Variants in CARD10 observed in about 807,000 individuals in gnomAD.
The protein encoded by CARD10 is caspase recruitment domain-containing protein 10.
CARD10 carries 49 observed loss-of-function variants against 114.6 expected under a neutral mutation model. The ratio of observed to expected loss-of-function variants is 0.43; its 90% CI spans 0.34 to 0.54. CARD10 has a LOEUF of 0.54. Ranked by LOEUF, CARD10 falls within the 20% of genes least tolerant of loss-of-function variation. The pLI, the probability that CARD10 is intolerant of heterozygous loss-of-function variation, is 0.03. For missense variants in CARD10, 1,206 were observed against 1,397.2 expected, an observed-to-expected ratio of 0.86 and a Z score of 2.18; for synonymous variants, 602 against 593.2, an observed-to-expected ratio of 1.01 and a Z score of -0.21.
chr22:37,503,046 G>T, intron 10 of CARD10, 139 bp downstream of exon 10: 1 of 972,376 alleles, frequency 1.0e-6, no homozygotes, highest in Non-Finnish European at 1.6e-6. Flanking sequence ...CAACCTTCCT[G>T]CCTGGCAGGG....
chr22:37,519,400 G>T lies in CARD10; in HGVS notation c.-200C>A. On this transcript the variant is annotated 5_prime_UTR_variant, in exon 1 of 20. Coordinates refer to ENST00000251973, the MANE Select transcript of CARD10 (RefSeq NM_014550.4). This position sits in a 1 kb window ranked among gnomAD's most constrained non-coding sequence, Gnocchi z 4.1. ...TCCGCACTCGGGCGGCGGCTCCGCC[G>T]GCGCAGGGGGGCGGTGCCCGTGGCG... 1 of 1,189,866 alleles carries T rather than the reference G, an allele frequency of 8.4e-7. No individual in the cohort carries two copies. The allele number at this position is 1,189,866 out of a possible 1,614,324, so 73.7% of individuals were successfully genotyped here.
In CARD10 at chr22:37,492,625, C is replaced by A. The variant is rs754919092; in HGVS notation, c.2635+19G>T. The stretch of plus-strand genomic sequence containing the variant: ...CCCAGAGGGGCACCCAGCCTCCCCT[C>A]CCCGGCACATAGTCTCACCCGCTGG... On this transcript the variant is annotated intron_variant, in intron 17 of 19. Transcript: ENST00000251973. This position sits in a 1 kb window ranked among gnomAD's most constrained non-coding sequence, Gnocchi z 5.7. 1 of 1,611,524 alleles carries A rather than the reference C, an allele frequency of 6.2e-7. No individual in the cohort carries two copies. The highest frequency in any genetic ancestry group is 8.5e-7 in the Non-Finnish European group (1 of 1,179,040).
chr22:37,496,052 G>C lies in CARD10; in HGVS notation c.2060-49C>G. 1 of 1,603,158 alleles carries C rather than the reference G, an allele frequency of 6.2e-7. No homozygotes were observed. The highest frequency in any genetic ancestry group is 1.3e-5 in the African/African-American group (1 of 74,860). The stretch of plus-strand genomic sequence containing the variant: ...CAGCAAGGAGGACAAGAGGAGGATG[G>C]TGAGGTCCAGGATCGGCCTTGGTGG... On this transcript the variant is annotated intron_variant, in intron 13 of 19. Transcript: ENST00000251973. The surrounding 1 kb of genome is among the most constrained non-coding windows in gnomAD (Gnocchi z 4.1).
chr22:37,517,564 C>G (rs1012675432), intron 2 of CARD10, among the ~76,000 whole-genome samples: 3 of 152,116 alleles, frequency 2.0e-5, no homozygotes, highest in Non-Finnish European at 2.9e-5. Context: ...ATCGCTTGAA[C>G]CTGGGAGGCG....
intron 11 of CARD10, 85 bp from the exon 12 acceptor site, chr22:37,497,263 C>A: frequency 7.0e-7 from 1 of 1,430,364 alleles, no homozygotes; most frequent in Non-Finnish European, 9.5e-7. Context: ...ACAGTGATTT[C>A]ATTTCCCAAG....
chr22:37,517,950 A>C (rs1290852041), intron 2 of CARD10, 21 bp downstream of exon 2: 1 of 1,608,894 alleles, frequency 6.2e-7, no homozygotes, highest in Admixed American at 1.7e-5. Context: ...AGGTGCCAGC[A>C]TCCACCGCAG....
At position 37,504,263 on chromosome 22, in the gene CARD10, G is replaced by C. The variant is rs1391442092; in HGVS notation, c.1557C>G (p.Leu519=). 2 of 1,576,716 alleles carry C rather than the reference G, an allele frequency of 1.3e-6. No individual in the cohort carries two copies. The highest frequency in any genetic ancestry group is 1.7e-6 in the Non-Finnish European group (2 of 1,160,404). Residue 519 remains leucine, a synonymous_variant, in exon 9 of 20, where the codon CTC becomes CTG. Coordinates refer to ENST00000251973, the MANE Select transcript of CARD10 (RefSeq NM_014550.4). ...CACTGGGGGGGAAGGGCAGGATGGA[G>C]AGCCGATTGATCTCCTTTTCACTGT... ...ATDSEKEINR[L]SILPFPPSAG... is the part of the protein sequence containing the mutation.
At chr22:37,504,397 T>C in intron 8 of CARD10, 96 bp from the exon 9 acceptor site, 3 of 1,103,372 alleles carry the variant, frequency 2.7e-6, no homozygotes, top group Admixed American at 2.9e-5. Flanking sequence ...AAATGAGAAG[T>C]AGGGCCCAGA....
intron 3 of CARD10, among the ~76,000 whole-genome samples, chr22:37,515,279 C>T (rs1020477437): frequency 4.6e-5 from 7 of 152,050 alleles, no homozygotes; most frequent in Admixed American, 3.3e-4. Flanking sequence ...TTAAACTCAC[C>T]GGGCCAGGTA....
chr22:37,492,684 G>A lies in CARD10; in HGVS notation c.2595C>T (p.Asp865=). 3 of 1,613,138 alleles carry A rather than the reference G, an allele frequency of 1.9e-6. No homozygotes were observed. The highest frequency in any genetic ancestry group is 2.5e-6 in the Non-Finnish European group (3 of 1,179,910). ...GGAAGTCCAGCCGGGAGCTGGGCAG[G>A]TCTAGCAGGTTACGGATGAGCCGGG... is the stretch of plus-strand genomic sequence containing the variant. ...LAPRLIRNLL[D]LPSSRLDFQV... is the part of the protein sequence containing the mutation. Residue 865 remains aspartate, a synonymous_variant, in exon 17 of 20, where the codon GAC becomes GAT. Transcript: ENST00000251973. The surrounding 1 kb of genome is among the most constrained non-coding windows in gnomAD (Gnocchi z 5.7).
chr22:37,502,840 C>T, intron 10 of CARD10, 115 bp from the exon 11 acceptor site: 1 of 1,255,866 alleles, frequency 8.0e-7, no homozygotes, highest in Non-Finnish European at 1.1e-6. Context: ...GTTTGAGGCC[C>T]CAGGAGCACA....
chr22:37,510,431 A>C lies in CARD10; in HGVS notation c.700-10T>G, dbSNP rs377685823. The C allele has an allele frequency of 1.0e-4, 164 of 1,612,826 alleles. No individual in the cohort carries two copies. The highest frequency in any genetic ancestry group is 1.3e-4 in the Non-Finnish European group (151 of 1,179,586). ...GCTTGAGCTGATCCACCTGGAGCCCAAGACATGGGTCAGCCCAGAGGGAGA... is the reference window on the plus strand; with the variant it reads ...GCTTGAGCTGATCCACCTGGAGCCCCAGACATGGGTCAGCCCAGAGGGAGA... On this transcript the variant is annotated splice_polypyrimidine_tract_variant and intron_variant, in intron 3 of 19. Transcript: ENST00000251973.
chr22:37,506,150 CCAGCCTTCCTGCCAGGACCT>C lies in CARD10; in HGVS notation c.1383+22_1383+41del, dbSNP rs148745674. 18,031 of 1,426,324 alleles carry C rather than the reference CCAGCCTTCCTGCCAGGACCT, an allele frequency of 0.013. 1,982 individuals are homozygous for C. In the African/African-American group the frequency reaches 0.24, roughly 19 times the overall value. The allele number at this position is 1,426,324 out of a possible 1,614,324, so 88.4% of individuals were successfully genotyped here. The stretch of plus-strand genomic sequence containing the variant: ...CTGGCCAAGAGCTCCTGCCAGGACC[CCAGCCTTCCTGCCAGGACCT>C]CCACAATCTTGACCCGCTCACCTTG... On this transcript the variant is annotated intron_variant, in intron 7 of 19. Transcript: ENST00000251973.
chr22:37,509,166 A>G (rs932327), intron 4 of CARD10: 277,460 of 1,442,510 alleles, frequency 0.19, 39,129 homozygotes, highest in African/African-American at 0.74. Flanking sequence ...CCCATGAAAC[A>G]CACTGGCTCT....
rs566109287 is a variant in CARD10 at position 37,495,785 on chromosome 22, G to T, written c.2278C>A (p.Arg760=). 65 of 1,613,820 alleles carry T rather than the reference G, an allele frequency of 4.0e-5. No individual in the cohort carries two copies. The Admixed American group carries it at 1.1e-3, about 27-fold the overall frequency. ...CTCTGATAATTGGGCACGGTGCCCC[G>T]GTCCAGGTCCCGCAGAGTGAGGGGG... is the stretch of plus-strand genomic sequence containing the variant. The part of the protein sequence containing the change: ...VDPLTLRDLD[R]GTVPNYQRAQ... Residue 760 remains arginine, a synonymous_variant, in exon 14 of 20, where the codon CGG becomes AGG. Coordinates refer to ENST00000251973, the MANE Select transcript of CARD10 (RefSeq NM_014550.4).
intron 10 of CARD10, 45 bp downstream of exon 10, chr22:37,503,139 TC>T: frequency 1.3e-6 from 2 of 1,597,826 alleles, no homozygotes; most frequent in East Asian, 2.3e-5. Context: ...CAAAGCCACC[TC>T]CCCCGACCAG....
Position 37,509,245 on chromosome 22 carries a change from C to T in CARD10, c.910-563G>A, listed in dbSNP as rs944664027. 1.8e-5 allele frequency: 19 copies of T among 1,083,372 alleles called. No individual in the cohort carries two copies. In the African/African-American group the frequency reaches 2.4e-4, roughly 14 times the overall value. 67.1% of individuals were successfully genotyped at this position (1,083,372 alleles called of 1,614,324 possible). On this transcript the variant is annotated intron_variant, in intron 4 of 19. Coordinates refer to ENST00000251973, the MANE Select transcript of CARD10 (RefSeq NM_014550.4). ...CATGCAGCTGCTGACCTGCCACTGA[C>T]CTGCCGCAGGACACTAAGCAAGCCC...
intron 6 of CARD10, among the ~76,000 whole-genome samples, chr22:37,507,403 G>A (rs1195850263): frequency 6.6e-6 from 1 of 152,214 alleles, no homozygotes; most frequent in Non-Finnish European, 1.5e-5. Flanking sequence ...GGGCCTGGTG[G>A]CACTGGCCGG....
At chr22:37,502,807 C>A (rs1923265212) in intron 10 of CARD10, 82 bp from the exon 11 acceptor site, 1 of 1,499,764 alleles carries the variant, frequency 6.7e-7, no homozygotes, top group African/African-American at 1.4e-5. Context: ...TGACCCCCCT[C>A]CAGCCCAGAG....
Sources: allele counts gnomAD v4.1 joint callset (sites outside exome capture counted in the v4.1 genomes callset), GRCh38; gene constraint gnomAD v4.1.1; non-coding constraint Gnocchi (gnomAD v3.1); transcripts MANE v1.5; gene names NCBI Gene and HGNC (gene_info 2026-07-23, HGNC 2026-07-21).